The following ZNF385D variants were observed in gnomAD, a reference collection of about 807,000 sequenced individuals.
ZNF385D encodes zinc finger protein 659.
A neutral mutation model predicts 35.8 loss-of-function variants in ZNF385D; 15 were observed. The observed-to-expected ratio is 0.42, with a 90% CI of 0.28 to 0.64. ZNF385D has a LOEUF of 0.64. Ranked by LOEUF, ZNF385D falls within the 30% of genes least tolerant of loss-of-function variation. The pLI, the probability that ZNF385D is intolerant of heterozygous loss-of-function variation, is 0.23. For synonymous variants in ZNF385D, 212 were observed against 186.8 expected (o/e 1.13, Z -1.10); for missense variants, 474 against 494.6 (o/e 0.96, Z 0.39).
At chr3:21,816,584 A>T (rs548804450) in intron 3 of ZNF385D, among the ~76,000 whole-genome samples, 1 of 152,198 alleles carries the variant, frequency 6.6e-6, no homozygotes, top group African/African-American at 2.4e-5. Context: ...CCCATTCACA[A>T]TTGCTTCAAG....
intron 1 of ZNF385D, among the ~76,000 whole-genome samples, chr3:21,710,581 G>C (rs2068064245): frequency 6.6e-6 from 1 of 152,110 alleles, no homozygotes; most frequent in African/African-American, 2.4e-5. Flanking sequence ...GTATGTTACA[G>C]TCCTCGCATT....
chr3:22,187,592 G>A (rs1695722851), intron 2 of ZNF385D, among the ~76,000 whole-genome samples: 1 of 151,558 alleles, frequency 6.6e-6, no homozygotes, highest in Non-Finnish European at 1.5e-5. Flanking sequence ...GAAACCAGAA[G>A]GGAACAAAGT....
chr3:22,156,311 A>T (rs536972415), intron 3 of ZNF385D, among the ~76,000 whole-genome samples: 44 of 152,228 alleles, frequency 2.9e-4, no homozygotes, highest in Non-Finnish European at 4.1e-4. Context: ...CTCTTTTACA[A>T]TGAAGTCCTA....
chr3:22,075,854 A>G lies in ZNF385D; in HGVS notation c.325+92963T>C, dbSNP rs143777527. On this transcript the variant is annotated intron_variant, in intron 3 of 5. Coordinates refer to the ZNF385D transcript ENST00000494108. ...TTCAAATGCATAAATGAGTTCAACT[A>G]TAACTCTTCTTGTCTTCCCAAACTT... 3.9e-5 allele frequency among the ~76,000 whole-genome samples: 6 copies of G among 152,054 alleles called. No homozygotes were observed. The East Asian group carries it at 5.8e-4, about 15-fold the overall frequency.
At chr3:22,134,633 T>C (rs1194575734) in intron 3 of ZNF385D, among the ~76,000 whole-genome samples, 1 of 152,180 alleles carries the variant, frequency 6.6e-6, no homozygotes, top group Non-Finnish European at 1.5e-5. Context: ...CCTGTTTTAG[T>C]TCATTTTGTG....
At chr3:21,564,473 C>CAGTT in intron 3 of ZNF385D, 101 bp downstream of exon 3, 1 of 608,866 alleles carries the variant, frequency 1.6e-6, no homozygotes, top group South Asian at 3.4e-5. Context: ...TTGACATGCT[C>CAGTT]AGTTACTGGA....
At chr3:22,163,904 T>A (rs999415441) in intron 3 of ZNF385D, among the ~76,000 whole-genome samples, 1 of 103,454 alleles carries the variant, frequency 9.7e-6, no homozygotes, top group Non-Finnish European at 2.2e-5. Context: ...AAAAGGATGA[T>A]GTGCTTACTA....
At chr3:21,588,010 A>T (rs1020162189) in intron 2 of ZNF385D, among the ~76,000 whole-genome samples, 1 of 152,176 alleles carries the variant, frequency 6.6e-6, no homozygotes, top group African/African-American at 2.4e-5. Context: ...TAATGACTAC[A>T]TTATAAGCAT....
intron 3 of ZNF385D, among the ~76,000 whole-genome samples, chr3:22,019,049 T>A (rs1053371100): frequency 1.2e-5 from 1 of 83,738 alleles, no homozygotes. Flanking sequence ...TTTTTTTTTT[T>A]TTTTTTTTTT....
intron 2 of ZNF385D, among the ~76,000 whole-genome samples, chr3:22,210,768 A>G (rs140103440): frequency 1.8e-3 from 281 of 152,006 alleles, no homozygotes; most frequent in African/African-American, 6.2e-3. Flanking sequence ...GGTTCTAGCC[A>G]TATGGAACAA....
chr3:21,629,152 C>G (rs928031891), intron 2 of ZNF385D, among the ~76,000 whole-genome samples: 10 of 152,020 alleles, frequency 6.6e-5, no homozygotes, highest in South Asian at 4.2e-4. Flanking sequence ...ATAAGTGGGT[C>G]TGACATTTTG....
intron 2 of ZNF385D, among the ~76,000 whole-genome samples, chr3:22,344,715 C>T (rs1695579548): frequency 6.6e-6 from 1 of 152,132 alleles, no homozygotes; most frequent in African/African-American, 2.4e-5. Flanking sequence ...AGCCACTGCA[C>T]CAGGCTAGTA....
intron 2 of ZNF385D, among the ~76,000 whole-genome samples, chr3:22,246,808 A>C (rs1273738654): frequency 2.0e-5 from 3 of 152,090 alleles, no homozygotes; most frequent in African/African-American, 7.2e-5. Flanking sequence ...AGCCTTTTTT[A>C]CTTTTCCCTA....
intron 3 of ZNF385D, among the ~76,000 whole-genome samples, chr3:22,137,774 C>A (rs1471407437): frequency 6.6e-6 from 1 of 152,026 alleles, no homozygotes; most frequent in African/African-American, 2.4e-5. Flanking sequence ...CAGGGATGCC[C>A]TCTCTCACCA....
chr3:22,151,745 C>T (rs1291232704), intron 3 of ZNF385D, among the ~76,000 whole-genome samples: 1 of 152,070 alleles, frequency 6.6e-6, no homozygotes, highest in Non-Finnish European at 1.5e-5. Context: ...ACAGAAACAT[C>T]CAGAATAATA....
At chr3:21,889,363 G>A (rs1306700116) in intron 3 of ZNF385D, among the ~76,000 whole-genome samples, 1 of 152,104 alleles carries the variant, frequency 6.6e-6, no homozygotes, top group Non-Finnish European at 1.5e-5. Context: ...AGACGACCTA[G>A]CCTGAATTAG....
At chr3:21,491,956 C>A (rs1299190821) in intron 4 of ZNF385D, among the ~76,000 whole-genome samples, 1 of 152,096 alleles carries the variant, frequency 6.6e-6, no homozygotes, top group Non-Finnish European at 1.5e-5. Flanking sequence ...GACACACATA[C>A]ACACACATTT....
chr3:22,227,878 G>T (rs1353458555), intron 2 of ZNF385D, among the ~76,000 whole-genome samples: 1 of 152,142 alleles, frequency 6.6e-6, no homozygotes, highest in Non-Finnish European at 1.5e-5. Flanking sequence ...TGGGCATACT[G>T]CCTGTGAGGT....
At chr3:22,109,619 T>C (rs778978623) in intron 3 of ZNF385D, among the ~76,000 whole-genome samples, 1 of 152,172 alleles carries the variant, frequency 6.6e-6, no homozygotes, top group Non-Finnish European at 1.5e-5. Flanking sequence ...TATTATTGTG[T>C]GGGAGTCTAA....
Sources: allele counts gnomAD v4.1 joint callset (sites outside exome capture counted in the v4.1 genomes callset), GRCh38; gene constraint gnomAD v4.1.1; transcripts MANE v1.5; gene names NCBI Gene and HGNC (gene_info 2026-07-23, HGNC 2026-07-21).